Variants in PSPH observed in about 807,000 individuals in gnomAD.
PSPH encodes phosphoserine phosphatase.
In PSPH, 16 loss-of-function variants were observed where a neutral mutation model predicts 23.4. The ratio of observed to expected loss-of-function variants is 0.68; its 90% confidence interval spans 0.46 to 1.04. The LOEUF (loss-of-function observed/expected upper bound fraction) is 1.04. PSPH is among the 50% of genes least tolerant of loss of function. The probability of loss-of-function intolerance (pLI) is 0.00; values close to 1 mark genes in which losing one functional copy is unlikely to be tolerated. For synonymous variants in PSPH, 68 were observed against 99.7 expected (o/e 0.68, Z 1.89); for missense variants, 223 against 273.7 (o/e 0.81, Z 1.31).
At chr7:56,024,715 T>C (rs1471046796) in intron 3 of PSPH, among the ~76,000 whole-genome samples, 19 of 151,872 alleles carry the variant, frequency 1.3e-4, no homozygotes. Context: ...GACACTGCAC[T>C]GCAGCCTGGG....
intron 3 of PSPH, among the ~76,000 whole-genome samples, chr7:56,029,867 G>A (rs565989811): frequency 6.6e-6 from 1 of 151,878 alleles, no homozygotes; most frequent in African/African-American, 2.4e-5. Flanking sequence ...ATAGCCGGGC[G>A]TGGGGAGGCT....
At chr7:56,012,924 C>T (rs943399169) in intron 7 of PSPH, among the ~76,000 whole-genome samples, 13 of 143,388 alleles carry the variant, frequency 9.1e-5, no homozygotes, top group Non-Finnish European at 1.7e-4. Context: ...GTTTTTCTTA[C>T]GTTAGAATGA....
At chr7:56,023,463 A>G (rs1789748079) in intron 3 of PSPH, among the ~76,000 whole-genome samples, 1 of 151,770 alleles carries the variant, frequency 6.6e-6, no homozygotes, top group South Asian at 2.1e-4. Context: ...GGGTCTTGCT[A>G]TGTTGCCCAG....
chr7:56,047,923 C>T (rs1042009395), intron 1 of PSPH, among the ~76,000 whole-genome samples: 2 of 151,794 alleles, frequency 1.3e-5, no homozygotes, highest in Non-Finnish European at 2.9e-5. Flanking sequence ...GCCTTGGCCT[C>T]CCAAAGTGCT....
At position 56,019,585 on chromosome 7, in the gene PSPH, C is replaced by T. The variant is rs199535022; in HGVS notation, c.275+15G>A. 6.3e-5 allele frequency: 99 copies of T among 1,563,170 alleles called. No homozygotes were observed. Among genetic ancestry groups the T allele is most frequent in the South Asian group, 5.2e-4 (43 of 83,410 alleles). ...ACTGGTGCTGAAATACACCTGGAGC[C>T]GGGGTTCCTCTTACCTTATGCCGGG... On this transcript the variant is annotated intron_variant, in intron 5 of 7. Coordinates refer to ENST00000275605, the MANE Select transcript of PSPH (RefSeq NM_004577.4).
intron 5 of PSPH, among the ~76,000 whole-genome samples, chr7:56,018,005 G>A (rs1247998416): frequency 6.6e-6 from 1 of 150,534 alleles, no homozygotes; most frequent in Non-Finnish European, 1.5e-5. Context: ...TTACATGCAT[G>A]AGCCACCATG....
intron 1 of PSPH, among the ~76,000 whole-genome samples, chr7:56,039,871 G>C (rs1373956923): frequency 6.6e-6 from 1 of 151,770 alleles, no homozygotes; most frequent in African/African-American, 2.4e-5. Context: ...GGCCGAGGTG[G>C]GCGGATCACG....
intron 1 of PSPH, among the ~76,000 whole-genome samples, chr7:56,044,176 A>T (rs1792928252): frequency 6.6e-6 from 1 of 152,100 alleles, no homozygotes; most frequent in Non-Finnish European, 1.5e-5. Flanking sequence ...TCCTGACCTC[A>T]GGTGGTCTGT....
intron 1 of PSPH, among the ~76,000 whole-genome samples, chr7:56,038,822 C>G (rs1179057656): frequency 6.6e-6 from 1 of 151,816 alleles, no homozygotes; most frequent in African/African-American, 2.4e-5. Flanking sequence ...GCCTGGGTGA[C>G]AGAGTGAGAC....
chr7:56,013,069 GTA>G (rs1280182570), intron 7 of PSPH, among the ~76,000 whole-genome samples: 1 of 92,728 alleles, frequency 1.1e-5, no homozygotes, highest in African/African-American at 3.7e-5. Context: ...ATATGTGTAT[GTA>G]TATATTTATA....
At position 56,034,076 on chromosome 7, in the gene PSPH, G is replaced by A. The variant is rs970336708; in HGVS notation, c.-261C>T. ...CAGGGAGGTGAGCTGTGCAGACCCA[G>A]GGCCTCCACCGAACGCTCTCTTGAG... On this transcript the variant is annotated 5_prime_UTR_variant, in exon 2 of 8. Transcript: ENST00000275605. The A allele has an allele frequency of 1.3e-5, 2 of 152,352 alleles. No homozygotes were observed. Among genetic ancestry groups the A allele is most frequent in the Non-Finnish European group, 1.5e-5 (1 of 68,152 alleles). 9.4% of individuals were successfully genotyped at this position (152,352 alleles called of 1,614,324 possible). A position where few individuals can be genotyped will look rare whatever the true frequency, so the allele number is the denominator to read the frequency against.
chr7:56,015,384 T>C lies in PSPH; in HGVS notation c.422-213A>G, dbSNP rs549892258. On this transcript the variant is annotated intron_variant, in intron 6 of 7. Coordinates refer to ENST00000275605, the MANE Select transcript of PSPH (RefSeq NM_004577.4). ...CCTTTTATGATTATGATTATGATTA[T>C]AGAAATGGGGTCTTGGTATGTTGCC... Among the ~76,000 whole-genome samples, 228 of 152,248 alleles carry C rather than the reference T, an allele frequency of 1.5e-3. 1 individual carries two copies. Among genetic ancestry groups the C allele is most frequent in the African/African-American group, 4.2e-3 (175 of 41,572 alleles).
intron 1 of PSPH, among the ~76,000 whole-genome samples, chr7:56,047,296 A>G (rs1793373988): frequency 6.6e-6 from 1 of 151,766 alleles, no homozygotes; most frequent in African/African-American, 2.4e-5. Flanking sequence ...GGAGGCTGAG[A>G]TAGGAAGCTG....
In PSPH at chr7:56,021,154, T is replaced by C. The variant is rs769169650; in HGVS notation, c.59A>G (p.Asp20Gly). The C allele has an allele frequency of 5.6e-6, 9 of 1,614,236 alleles. No homozygotes were observed. Among genetic ancestry groups the C allele is most frequent in the Non-Finnish European group, 7.6e-6 (9 of 1,180,028 alleles). ...TTCTCTGATGACCGTGCTGTCAACA[T>C]CAAAACACACAGCATCTGCTGAGTA... ...LFYSADAVCF[D>G]VDSTVIREEG... Residue 20 changes from aspartate to glycine, a missense_variant, in exon 4 of 8, where the codon GAT (aspartate) becomes GGT (glycine). Transcript: ENST00000275605.
intron 6 of PSPH, 142 bp downstream of exon 6, chr7:56,017,092 G>A (rs1788659296): frequency 2.1e-6 from 3 of 1,439,074 alleles, no homozygotes; most frequent in Non-Finnish European, 2.8e-6. Flanking sequence ...GTACCAAAGG[G>A]CAAAAGACAT....
chr7:56,040,708 G>C (rs1382730867), intron 1 of PSPH, among the ~76,000 whole-genome samples: 1 of 151,870 alleles, frequency 6.6e-6, no homozygotes, highest in Non-Finnish European at 1.5e-5. Flanking sequence ...GAAACTAGAA[G>C]ACAAAAAGTC....
Position 56,038,153 on chromosome 7 carries a change from A to T in PSPH, c.-291-4047T>A, listed in dbSNP as rs559113906. On this transcript the variant is annotated intron_variant, in intron 1 of 7. Coordinates refer to ENST00000275605, the MANE Select transcript of PSPH (RefSeq NM_004577.4). ...GGTGTTATTCAGTAACATTGAACAC[A>T]TGCGGCCAGGTGCGGTGGCTCACAC... 5.3e-5 allele frequency among the ~76,000 whole-genome samples: 8 copies of T among 151,348 alleles called. No homozygotes were observed. In the East Asian group the frequency reaches 1.4e-3, roughly 26 times the overall value.
intron 1 of PSPH, among the ~76,000 whole-genome samples, chr7:56,048,928 T>G (rs1397276565): frequency 1.3e-5 from 2 of 151,840 alleles, no homozygotes; most frequent in South Asian, 2.1e-4. Flanking sequence ...TGGTGGTTGT[T>G]TTTTTCTTTG....
At chr7:56,030,579 T>C (rs1335364223) in intron 3 of PSPH, among the ~76,000 whole-genome samples, 3 of 151,936 alleles carry the variant, frequency 2.0e-5, no homozygotes, top group Non-Finnish European at 4.4e-5. Flanking sequence ...CTAAACTGGG[T>C]ACATGAGGAT....
Sources: gnomAD v4.1 joint callset for allele counts (sites outside exome capture counted in the v4.1 genomes callset) on GRCh38, gnomAD v4.1.1 for gene constraint, MANE v1.5 for transcripts, NCBI Gene and HGNC (gene_info 2026-07-23, HGNC 2026-07-21) for gene names.